Variants in ZFHX3 observed in about 807,000 individuals in gnomAD.
ZFHX3 encodes the protein zinc finger homeobox 3, also known as zinc finger homeobox protein 3.
A neutral mutation model predicts 279.1 loss-of-function variants in ZFHX3; 42 were observed. That is an observed-to-expected ratio of 0.15 (90% CI 0.12 to 0.19). The LOEUF is 0.19. Ranked by LOEUF, ZFHX3 falls within the 10% of genes least tolerant of loss-of-function variation. The pLI, the probability that ZFHX3 is intolerant of heterozygous loss-of-function variation, is 1.00. For synonymous variants in ZFHX3, 2,293 were observed against 1,957.8 expected (o/e 1.17, Z -4.52); for missense variants, 4,981 against 4,754.0 (o/e 1.05, Z -1.40).
At chr16:73,709,033 T>A (rs959916270) in intron 1 of ZFHX3, among the ~76,000 whole-genome samples, 5 of 152,118 alleles carry the variant, frequency 3.3e-5, no homozygotes, top group African/African-American at 1.2e-4. Flanking sequence ...GGGGTGTCAT[T>A]TCCTGACCTT....
At chr16:73,132,997 G>T (rs769356313) in intron 6 of ZFHX3, among the ~76,000 whole-genome samples, 2 of 152,190 alleles carry the variant, frequency 1.3e-5, no homozygotes, top group African/African-American at 4.8e-5. Flanking sequence ...TGAGTGGAAG[G>T]CCAGCTGCTC....
At chr16:73,686,225 G>A (rs915568545) in intron 1 of ZFHX3, among the ~76,000 whole-genome samples, 1 of 152,038 alleles carries the variant, frequency 6.6e-6, no homozygotes, top group Admixed American at 6.6e-5. Context: ...CTCCTGAGTA[G>A]CTGGGATTAC....
intron 4 of ZFHX3, among the ~76,000 whole-genome samples, chr16:73,317,550 T>C (rs1259442387): frequency 6.6e-6 from 1 of 152,128 alleles, no homozygotes; most frequent in African/African-American, 2.4e-5. Flanking sequence ...CCGGATGCCA[T>C]TACACTCAGA....
Position 72,796,574 on chromosome 16 carries a change from G to C in ZFHX3, c.6108C>G (p.Thr2036=), listed in dbSNP as rs765617416. Residue 2036 remains threonine (T), a synonymous_variant, in exon 9 of 10, where the codon ACC becomes ACG. Transcript: ENST00000268489. ...YDKLYPLRPQ[T]PEPPPPPPPP... The stretch of plus-strand genomic sequence containing the variant: ...GAGGGGGAGGTGGTGGTGGCTCTGG[G>C]GTCTGGGGCCTCAGTGGGTACAGTT... 1.9e-6 allele frequency: 3 copies of C among 1,613,170 alleles called. No homozygotes were observed. The highest frequency in any genetic ancestry group is 3.3e-5 in the Admixed American group (2 of 59,990).
At chr16:73,815,082 C>T (rs1435781914) in intron 1 of ZFHX3, among the ~76,000 whole-genome samples, 5 of 152,198 alleles carry the variant, frequency 3.3e-5, no homozygotes, top group African/African-American at 7.2e-5. Context: ...CGGATGTAAA[C>T]ATGTGCAAAG....
At chr16:73,682,906 G>A (rs199890495) in intron 1 of ZFHX3, among the ~76,000 whole-genome samples, 2,680 of 28,202 alleles carry the variant, frequency 0.095, 198 homozygotes, top group South Asian at 0.17. Flanking sequence ...AAGAAAGAAA[G>A]AGAAAGAAAG....
At chr16:73,390,413 G>A (rs1287467011) in intron 3 of ZFHX3, among the ~76,000 whole-genome samples, 1 of 152,116 alleles carries the variant, frequency 6.6e-6, no homozygotes, top group Non-Finnish European at 1.5e-5. Flanking sequence ...CAGGCACAGG[G>A]TAGCCCCATC....
At chr16:73,268,397 T>C (rs1181362973) in intron 4 of ZFHX3, among the ~76,000 whole-genome samples, 1 of 152,172 alleles carries the variant, frequency 6.6e-6, no homozygotes, top group Non-Finnish European at 1.5e-5. Flanking sequence ...GGGTGTGTGG[T>C]TGCCCAGTTA....
At chr16:73,383,616 CCTCT>C (rs2016852188) in intron 3 of ZFHX3, among the ~76,000 whole-genome samples, 1 of 149,770 alleles carries the variant, frequency 6.7e-6, no homozygotes, top group Non-Finnish European at 1.5e-5. Flanking sequence ...TTTGTGGAGG[CCTCT>C]CTGTTTCCCG....
intron 4 of ZFHX3, among the ~76,000 whole-genome samples, chr16:72,868,893 G>A (rs1315546839): frequency 1.3e-5 from 2 of 152,232 alleles, no homozygotes; most frequent in Non-Finnish European, 2.9e-5. Context: ...CTCCAGAAAG[G>A]AAGAGTGGGT....
chr16:72,951,858 G>A lies in ZFHX3; in HGVS notation c.2720-893C>T, dbSNP rs1243998911. 2.6e-5 allele frequency among the ~76,000 whole-genome samples: 4 copies of A among 152,224 alleles called. No homozygotes were observed. The East Asian group carries it at 7.7e-4, about 29-fold the overall frequency. ...CTAATAAATACCTGAAATATGGGTA[G>A]TGCAACTACGGAACTGAATTTTCAA... On this transcript the variant is annotated intron_variant, in intron 2 of 9. Coordinates refer to ENST00000268489, the MANE Select transcript of ZFHX3 (RefSeq NM_006885.4).
intron 3 of ZFHX3, among the ~76,000 whole-genome samples, chr16:72,918,550 T>G (rs1004982341): frequency 7.2e-5 from 11 of 152,230 alleles, no homozygotes; most frequent in Admixed American, 3.9e-4. Flanking sequence ...AGGACAAAAG[T>G]ATCTCTACCC....
At chr16:73,500,763 T>G (rs2019224886) in intron 2 of ZFHX3, among the ~76,000 whole-genome samples, 1 of 144,796 alleles carries the variant, frequency 6.9e-6, no homozygotes, top group Non-Finnish European at 1.5e-5. Context: ...AAACACAATG[T>G]GTGTTTTAAG....
intron 4 of ZFHX3, among the ~76,000 whole-genome samples, chr16:72,869,774 A>G (rs2038110000): frequency 6.6e-6 from 1 of 152,178 alleles, no homozygotes; most frequent in Non-Finnish European, 1.5e-5. Context: ...TCCTTATTAA[A>G]TCATCTCCAA....
At chr16:73,368,814 C>T (rs777323607) in intron 3 of ZFHX3, among the ~76,000 whole-genome samples, 13 of 152,206 alleles carry the variant, frequency 8.5e-5, no homozygotes, top group Admixed American at 2.6e-4. Context: ...ATTTAATTCT[C>T]GAAACAATTA....
At chr16:73,876,733 T>C (rs1363288482) in intron 1 of ZFHX3, among the ~76,000 whole-genome samples, 4 of 152,170 alleles carry the variant, frequency 2.6e-5, no homozygotes, top group Non-Finnish European at 5.9e-5. Flanking sequence ...TGGAAAGAAC[T>C]AGAAAAGACT....
At chr16:73,575,314 A>G (rs1049637671) in intron 2 of ZFHX3, among the ~76,000 whole-genome samples, 2 of 152,244 alleles carry the variant, frequency 1.3e-5, no homozygotes, top group African/African-American at 4.8e-5. Context: ...GTTCATTCTC[A>G]GAAGCTGTGT....
chr16:73,547,740 T>A (rs2020144440), intron 2 of ZFHX3, among the ~76,000 whole-genome samples: 1 of 152,176 alleles, frequency 6.6e-6, no homozygotes, highest in South Asian at 2.1e-4. Context: ...ACAAACCCAG[T>A]CTGCCCCAGT....
chr16:73,814,326 G>A (rs1365453370), intron 1 of ZFHX3, among the ~76,000 whole-genome samples: 2 of 151,942 alleles, frequency 1.3e-5, no homozygotes, highest in Non-Finnish European at 2.9e-5. Flanking sequence ...ACATAGCAAT[G>A]AGTTTTAAAA....
Sources: gnomAD v4.1 joint callset for allele counts (sites outside exome capture counted in the v4.1 genomes callset) on GRCh38, gnomAD v4.1.1 for gene constraint, MANE v1.5 for transcripts, NCBI Gene and HGNC (gene_info 2026-07-23, HGNC 2026-07-21) for gene names.